TRPA1: variants seen among roughly 807,000 people sequenced by gnomAD.
The protein encoded by TRPA1 is ankyrin-like with transmembrane domains 1.
In TRPA1, 129 loss-of-function variants were observed where a neutral mutation model predicts 131.3. The ratio of observed to expected loss-of-function variants is 0.98; its 90% CI spans 0.85 to 1.14. The LOEUF (loss-of-function observed/expected upper bound fraction) is 1.14. Among genes scored for constraint, TRPA1 ranks in the 50% most tolerant of loss-of-function variants. The pLI is 0.00. For missense variants in TRPA1, 1,304 were observed against 1,354.2 expected (o/e 0.96, Z 0.58); for synonymous variants, 441 against 451.7 (o/e 0.98, Z 0.30).
upstream of TRPA1, among the ~76,000 whole-genome samples, chr8:72,078,317 A>G (rs1339823322): frequency 6.6e-6 from 1 of 152,164 alleles, no homozygotes; most frequent in Non-Finnish European, 1.5e-5. Flanking sequence ...AATTTATACA[A>G]GTATACAACT....
In TRPA1 at chr8:72,052,701, T is replaced by C. The variant is rs780036027; in HGVS notation, c.1709A>G (p.His570Arg). 9.4e-5 allele frequency: 152 copies of C among 1,613,760 alleles called. No individual in the cohort carries two copies. The highest frequency in any genetic ancestry group is 1.2e-4 in the Non-Finnish European group (145 of 1,179,880). The change falls in exon 14 of 27, where the codon CAC becomes CGC. Residue 570 changes from histidine (H) to arginine (R), a missense_variant. Coordinates refer to ENST00000262209, the MANE Select transcript of TRPA1 (RefSeq NM_007332.3). ...CTTGTTCAGGACTATGTCAGCATTG[T>C]GGCTCAGAAGAAGCGCAACGGCTTT... is the stretch of plus-strand genomic sequence containing the variant. ...HAKAVALLLSHNADIVLNKQQ... is the reference protein window; with the variant it reads ...HAKAVALLLSRNADIVLNKQQ...
At chr8:72,052,318 A>G (rs1805528522) in intron 14 of TRPA1, among the ~76,000 whole-genome samples, 1 of 152,180 alleles carries the variant, frequency 6.6e-6, no homozygotes, top group Non-Finnish European at 1.5e-5. Flanking sequence ...GCTACTCAGG[A>G]GGCTGAGGCA....
chr8:72,051,335 G>A (rs1010312950), intron 14 of TRPA1, among the ~76,000 whole-genome samples: 2 of 152,128 alleles, frequency 1.3e-5, no homozygotes, highest in Non-Finnish European at 2.9e-5. Context: ...CATGTAAAGT[G>A]CATTGATAAG....
intron 22 of TRPA1, 30 bp downstream of exon 22, chr8:72,034,218 C>A: frequency 6.3e-7 from 1 of 1,586,548 alleles, no homozygotes; most frequent in Non-Finnish European, 8.6e-7. Flanking sequence ...TTCACAGCGA[C>A]AAAATCAACT....
Position 72,033,739 on chromosome 8 carries a change from G to A in TRPA1, c.2773C>T (p.Pro925Ser). Residue 925 changes from proline to serine, a missense_variant, in exon 23 of 27, where the codon CCA becomes TCA. Physicochemically the swap from Pro to Ser is moderately conservative, Grantham distance 74. Coordinates refer to ENST00000262209, the MANE Select transcript of TRPA1 (RefSeq NM_007332.3). ...TGTGCCAATTCATTTCTCAGATATG[G>A]TTCTAGGAAGGACTCTCGATAATTG... ...DINYRESFLEPYLRNELAHPV... is the reference protein window; with the variant it reads ...DINYRESFLESYLRNELAHPV... 2.5e-6 allele frequency: 4 copies of A among 1,613,982 alleles called. No homozygotes were observed. The highest frequency in any genetic ancestry group is 3.4e-6 in the Non-Finnish European group (4 of 1,179,910).
intron 23 of TRPA1, among the ~76,000 whole-genome samples, 184 bp downstream of exon 23, chr8:72,033,460 C>A (rs759312051): frequency 6.6e-6 from 1 of 152,136 alleles, no homozygotes; most frequent in Non-Finnish European, 1.5e-5. Flanking sequence ...CATCTTTGCA[C>A]GCCCTGAGCC....
intron 19 of TRPA1, among the ~76,000 whole-genome samples, chr8:72,038,367 C>T (rs574092045): frequency 1.1e-4 from 16 of 152,012 alleles, no homozygotes; most frequent in African/African-American, 3.4e-4. Flanking sequence ...TGGCAAAATA[C>T]ATATAACAAA....
chr8:72,022,591 C>T lies in TRPA1; in HGVS notation c.*315G>A, dbSNP rs1002406285. The T allele has an allele frequency of 2.4e-5, 10 of 424,064 alleles. No individual in the cohort carries two copies. Among genetic ancestry groups the T allele is most frequent in the Admixed American group, 1.1e-4 (3 of 27,920 alleles). 26.3% of individuals were successfully genotyped at this position (424,064 alleles called of 1,614,324 possible). On this transcript the variant is annotated 3_prime_UTR_variant, in exon 27 of 27. Transcript: ENST00000262209. ...CATTTGCATTTTAGCTTAATAGTTA[C>T]ATTTATTACTTCTTTTCATTAAAAA...
At chr8:72,023,201 C>T (rs1811458914) in intron 26 of TRPA1, 85 bp from the exon 27 acceptor site, 2 of 421,370 alleles carry the variant, frequency 4.7e-6, no homozygotes, top group Non-Finnish European at 6.4e-6. Flanking sequence ...GTTTTAACCT[C>T]GGTCCCTTCT....
rs756855686 is a variant in TRPA1 at position 72,052,685 on chromosome 8, G to C, written c.1725C>G (p.Val575=). 6.2e-7 allele frequency: 1 copy of C among 1,613,814 alleles called. No individual in the cohort carries two copies. Among genetic ancestry groups the C allele is most frequent in the Admixed American group, 1.7e-5 (1 of 59,972 alleles). ...AAAAGGAGGCCTGCTGCTTGTTCAG[G>C]ACTATGTCAGCATTGTGGCTCAGAA... ...ALLLSHNADI[V]LNKQQASFLH... The change falls in exon 14 of 27, where the codon GTC becomes GTG. Residue 575 remains valine (V), a synonymous_variant. Transcript: ENST00000262209.
intron 22 of TRPA1, 106 bp from the exon 23 acceptor site, chr8:72,033,932 G>C: frequency 8.9e-7 from 1 of 1,119,926 alleles, no homozygotes; most frequent in Non-Finnish European, 1.3e-6. Flanking sequence ...CTTTTTTAAA[G>C]TCATAGGCAT....
At chr8:72,089,913 A>G in the TRPA1 span, among the ~76,000 whole-genome samples, 1 of 152,086 alleles carries the variant, frequency 6.6e-6, no homozygotes, top group Non-Finnish European at 1.5e-5. Flanking sequence ...TAAAAATTGG[A>G]AAGTTACAAG....
intron 25 of TRPA1, among the ~76,000 whole-genome samples, chr8:72,024,712 G>A (rs55988843): frequency 0.48 from 73,505 of 151,920 alleles, 18,211 homozygotes; most frequent in East Asian, 0.77. Context: ...ACATGCAAGT[G>A]GAGATGTCAA....
intron 24 of TRPA1, among the ~76,000 whole-genome samples, chr8:72,028,065 A>G (rs1160010932): frequency 6.6e-6 from 1 of 152,096 alleles, no homozygotes; most frequent in Non-Finnish European, 1.5e-5. Context: ...CAAGAGGTTT[A>G]TACATCTCCT....
intron 8 of TRPA1, among the ~76,000 whole-genome samples, chr8:72,058,313 T>G (rs1805723932): frequency 6.6e-6 from 1 of 152,160 alleles, no homozygotes; most frequent in Non-Finnish European, 1.5e-5. Flanking sequence ...AGTAAAACTT[T>G]AGCCAAACAT....
chr8:72,061,973 G>T (rs930554192), intron 6 of TRPA1, among the ~76,000 whole-genome samples: 13 of 152,104 alleles, frequency 8.5e-5, no homozygotes, highest in Admixed American at 2.6e-4. Context: ...GCTGACAATT[G>T]TGCTTCCTTC....
chr8:72,039,016 C>G lies in TRPA1; in HGVS notation c.2144G>C (p.Gly715Ala). 1 of 1,612,450 alleles carries G rather than the reference C, an allele frequency of 6.2e-7. No individual in the cohort carries two copies. The highest frequency in any genetic ancestry group is 8.5e-7 in the Non-Finnish European group (1 of 1,179,192). The part of the protein sequence containing the change: ...EYLLMKWLAY[G>A]FRAHMMNLGS... ...TAAATTCATCATATGAGCTCTAAAT[C>G]CATAAGCCAACCTACAAAAATATAA... Residue 715 changes from glycine (G) to alanine (A), a missense_variant, in exon 19 of 27, where the codon GGA becomes GCA. Transcript: ENST00000262209.
chr8:72,069,930 C>T lies in TRPA1; in HGVS notation c.269-732G>A, dbSNP rs929051766. Among the ~76,000 whole-genome samples the T allele has an allele frequency of 2.6e-5, 4 of 152,172 alleles. No homozygotes were observed. The South Asian group carries it at 6.2e-4, about 24-fold the overall frequency. On this transcript the variant is annotated intron_variant, in intron 2 of 26. Coordinates refer to ENST00000262209, the MANE Select transcript of TRPA1 (RefSeq NM_007332.3). ...GTAGCAATGATTCAAAAAATGTTAA[C>T]GAGAAAAAAGACACACTACTAATAA...
intron 2 of TRPA1, among the ~76,000 whole-genome samples, chr8:72,069,950 T>C (rs894070054): frequency 2.0e-5 from 3 of 152,144 alleles, no homozygotes; most frequent in African/African-American, 4.8e-5. Flanking sequence ...GACACACTAC[T>C]AATAAACCAC....
Sources: gnomAD v4.1 joint callset for allele counts (sites outside exome capture counted in the v4.1 genomes callset) on GRCh38, gnomAD v4.1.1 for gene constraint, MANE v1.5 for transcripts, NCBI Gene and HGNC (gene_info 2026-07-23, HGNC 2026-07-21) for gene names.